The following FAM174B variants were observed in gnomAD, a reference collection of about 807,000 sequenced individuals.
FAM174B encodes the protein membrane protein FAM174B.
FAM174B carries 12 observed loss-of-function variants against 10.9 expected under a neutral mutation model. The observed-to-expected ratio is 1.10, with a 90% CI of 0.71 to 1.79. FAM174B has a LOEUF of 1.79. FAM174B is among the 40% of genes most tolerant of loss of function. The probability of loss-of-function intolerance (pLI) is 0.00; values close to 1 mark genes in which losing one functional copy is unlikely to be tolerated. For synonymous variants in FAM174B, 132 were observed against 115.8 expected, an observed-to-expected ratio of 1.14 and a Z score of -0.90; for missense variants, 266 against 233.3, an observed-to-expected ratio of 1.14 and a Z score of -0.91.
intron 1 of FAM174B, among the ~76,000 whole-genome samples, chr15:92,652,467 G>A (rs1384339893): frequency 6.6e-6 from 1 of 152,178 alleles, no homozygotes; most frequent in Non-Finnish European, 1.5e-5. Context: ...GAGCAGAGCC[G>A]AGATGGGGGC....
At chr15:92,634,493 T>A (rs1395289618) in intron 1 of FAM174B, 2 of 152,190 alleles carry the variant, frequency 1.3e-5, no homozygotes, top group Non-Finnish European at 2.9e-5. Context: ...TATAGAGTCT[T>A]ACAATAAGAA....
chr15:92,619,511 C>G, intron 2 of FAM174B, 52 bp from the exon 3 acceptor site: 1 of 1,593,542 alleles, frequency 6.3e-7, no homozygotes. Context: ...AGCCTCGCAC[C>G]CATTCTGACC....
intron 2 of FAM174B, among the ~76,000 whole-genome samples, chr15:92,628,222 T>C (rs543031910): frequency 6.6e-6 from 1 of 152,010 alleles, no homozygotes; most frequent in South Asian, 2.1e-4. Flanking sequence ...TGGAGTGCAG[T>C]GGCATGTTCA....
intron 1 of FAM174B, among the ~76,000 whole-genome samples, chr15:92,633,697 G>A (rs2050834344): frequency 5.3e-5 from 8 of 152,188 alleles, no homozygotes; most frequent in Admixed American, 5.2e-4. Context: ...CACCTTGCCA[G>A]TAGCCCTGGG....
In FAM174B at chr15:92,630,845, C is replaced by T. The variant is rs796840912; in HGVS notation, c.345-500G>A. The stretch of plus-strand genomic sequence containing the variant: ...TACATATTATATATTATATATATTA[C>T]ATATTACATGTTACATATTACATAT... On this transcript the variant is annotated intron_variant, in intron 1 of 2. Transcript: ENST00000327355. 6.3e-3 allele frequency among the ~76,000 whole-genome samples: 140 copies of T among 22,352 alleles called. 7 individuals carry two copies. The highest frequency in any genetic ancestry group is 9.6e-3 in the African/African-American group (128 of 13,298). 14.7% of individuals were successfully genotyped at this position (22,352 alleles called of 152,430 possible).
At chr15:92,619,734 C>G (rs1056457215) in intron 2 of FAM174B, 1 of 521,918 alleles carries the variant, frequency 1.9e-6, no homozygotes, top group Non-Finnish European at 3.4e-6. Context: ...CCTCTCCTTG[C>G]CAGCACTTCC....
At chr15:92,645,333 C>T (rs573810910) in intron 1 of FAM174B, among the ~76,000 whole-genome samples, 3 of 152,180 alleles carry the variant, frequency 2.0e-5, no homozygotes, top group African/African-American at 7.2e-5. Flanking sequence ...CAGCACAGAC[C>T]GTGCCCCTGG....
Position 92,630,311 on chromosome 15 carries a change from C to G in FAM174B, c.379G>C (p.Asp127His). The G allele has an allele frequency of 3.1e-6, 5 of 1,613,670 alleles. No homozygotes were observed. Among genetic ancestry groups the G allele is most frequent in the Non-Finnish European group, 4.2e-6 (5 of 1,179,732 alleles). The change falls in exon 2 of 3, where the codon GAT (aspartate) becomes CAT (histidine). Residue 127 changes from aspartate (D) to histidine (H), a missense_variant. Coordinates refer to ENST00000327355, the MANE Select transcript of FAM174B (RefSeq NM_207446.3). Reference protein sequence around the residue: ...GKRLKKTRKYDIITTPAERVE... With the variant: ...GKRLKKTRKYHIITTPAERVE... ...CGCTCTGCTGGAGTGGTGATGATAT[C>G]ATACTTGCGTGTCTTCTTTAACCTC...
chr15:92,630,925 A>G (rs1377103988), intron 1 of FAM174B, among the ~76,000 whole-genome samples: 2,001 of 24,196 alleles, frequency 0.083, 360 homozygotes, highest in Non-Finnish European at 0.16. Flanking sequence ...TATATTACGT[A>G]TTACATATTA....
chr15:92,647,103 A>T (rs1218260655), intron 1 of FAM174B, among the ~76,000 whole-genome samples: 1 of 152,238 alleles, frequency 6.6e-6, no homozygotes, highest in African/African-American at 2.4e-5. Flanking sequence ...TGAGGAAAAC[A>T]TATAAAATGC....
chr15:92,626,423 C>A (rs2050753647), intron 2 of FAM174B, among the ~76,000 whole-genome samples: 1 of 152,058 alleles, frequency 6.6e-6, no homozygotes, highest in African/African-American at 2.4e-5. Context: ...TTAAAAAAAT[C>A]AGTATCTTTT....
At chr15:92,633,140 T>G (rs2050830484) in intron 1 of FAM174B, among the ~76,000 whole-genome samples, 1 of 152,112 alleles carries the variant, frequency 6.6e-6, no homozygotes. Flanking sequence ...AACGGGGCAC[T>G]GAAGAATCAG....
rs2051000644 is a variant in FAM174B, at chr15:92,655,670, G to A, written c.-11C>T. ...CGGCACGGCGCGCATAGTGCGGTGG[G>A]TCGGCACAGGATCGGGCAGGGCGCG... is the stretch of plus-strand genomic sequence containing the variant. On this transcript the variant is annotated 5_prime_UTR_variant, in exon 1 of 3. Coordinates refer to ENST00000327355, the MANE Select transcript of FAM174B (RefSeq NM_207446.3). The A allele has an allele frequency of 5.6e-6, 7 of 1,258,082 alleles. No homozygotes were observed. Among genetic ancestry groups the A allele is most frequent in the Non-Finnish European group, 7.0e-6 (7 of 1,006,468 alleles). The allele number at this position is 1,258,082 out of a possible 1,614,324, so 77.9% of individuals were successfully genotyped here. A position where few individuals can be genotyped will look rare whatever the true frequency, so the allele number is the denominator to read the frequency against.
intron 1 of FAM174B, among the ~76,000 whole-genome samples, chr15:92,651,364 G>A (rs1284970017): frequency 6.6e-6 from 1 of 152,094 alleles, no homozygotes; most frequent in Non-Finnish European, 1.5e-5. Flanking sequence ...TATACACACA[G>A]GGATACTCAA....
intron 1 of FAM174B, 52 bp from the exon 2 acceptor site, chr15:92,630,397 A>G: frequency 6.5e-7 from 1 of 1,547,852 alleles, no homozygotes; most frequent in Non-Finnish European, 8.8e-7. Context: ...AGAAAGAGTC[A>G]CTGGGCCCCA....
chr15:92,655,575 C>A lies in FAM174B; in HGVS notation c.85G>T (p.Ala29Ser). 1 of 1,343,262 alleles carries A rather than the reference C, an allele frequency of 7.4e-7. No individual in the cohort carries two copies. Among genetic ancestry groups the A allele is most frequent in the Non-Finnish European group, 9.5e-7 (1 of 1,049,012 alleles). The allele number at this position is 1,343,262 out of a possible 1,614,324, so 83.2% of individuals were successfully genotyped here. ...LAAPAARASR[A>S]ESVSAPWPEP... The stretch of plus-strand genomic sequence containing the variant: ...GGCCACGGCGCGGAGACGGACTCGG[C>A]TCTGCTGGCGCGGGCGGCGGGAGCG... Residue 29 changes from alanine (A) to serine (S), a missense_variant, in exon 1 of 3, where the codon GCC (alanine) becomes TCC (serine). Coordinates refer to ENST00000327355, the MANE Select transcript of FAM174B (RefSeq NM_207446.3).
At chr15:92,619,988 T>C (rs949088891) in intron 2 of FAM174B, 2 of 158,836 alleles carry the variant, frequency 1.3e-5, no homozygotes, top group South Asian at 1.9e-4. Flanking sequence ...CCTTTGGTTC[T>C]TTTTCAACCA....
At chr15:92,629,664 G>T (rs1233964125) in intron 2 of FAM174B, among the ~76,000 whole-genome samples, 1 of 152,182 alleles carries the variant, frequency 6.6e-6, no homozygotes, top group Non-Finnish European at 1.5e-5. Flanking sequence ...GCAATTCTCT[G>T]CTGGGTTTCT....
At chr15:92,619,861 G>T (rs1451361437) in intron 2 of FAM174B, 1 of 224,950 alleles carries the variant, frequency 4.4e-6, no homozygotes, top group Non-Finnish European at 8.8e-6. Flanking sequence ...CTGTTGGGGT[G>T]GAACAGCAGC....
Sources: gnomAD v4.1 joint callset for allele counts (sites outside exome capture counted in the v4.1 genomes callset) on GRCh38, gnomAD v4.1.1 for gene constraint, MANE v1.5 for transcripts, NCBI Gene and HGNC (gene_info 2026-07-23, HGNC 2026-07-21) for gene names.